Variants in CNOT2 observed in about 807,000 individuals in gnomAD.
The protein encoded by CNOT2 is CCR4-NOT transcription complex subunit 2.
Under a neutral mutation model 72.1 loss-of-function variants are expected in CNOT2, and 7 were observed. The observed-to-expected ratio is 0.10, with a 90% CI of 0.06 to 0.18. The LOEUF (loss-of-function observed/expected upper bound fraction) is 0.18. CNOT2 is among the 10% of genes least tolerant of loss of function. CNOT2 has a pLI of 1.00. For missense variants in CNOT2, 345 were observed against 660.3 expected (o/e 0.52, Z 5.23); for synonymous variants, 196 against 225.6 (o/e 0.87, Z 1.17).
In CNOT2 at chr12:70,349,073, G is replaced by A. The variant is rs550652592; in HGVS notation, c.1536+2749G>A. ...CATAGTAATGAAAACAGGCAGAATTGTTGGTATTAAGATATTAATGAGCAG... is the reference window on the plus strand; with the variant it reads ...CATAGTAATGAAAACAGGCAGAATTATTGGTATTAAGATATTAATGAGCAG... On this transcript the variant is annotated intron_variant, in intron 15 of 15. Transcript: ENST00000229195. Among the ~76,000 whole-genome samples the A allele has an allele frequency of 2.6e-5, 4 of 152,142 alleles. No individual in the cohort carries two copies. The South Asian group carries it at 8.3e-4, about 32-fold the overall frequency.
chr12:70,339,122 A>C (rs1881152168), intron 11 of CNOT2, among the ~76,000 whole-genome samples: 1 of 148,654 alleles, frequency 6.7e-6, no homozygotes. Context: ...ACCTTCCAGA[A>C]TCCTGAAATC....
intron 1 of CNOT2, among the ~76,000 whole-genome samples, chr12:70,273,468 G>A (rs888504313): frequency 6.6e-6 from 1 of 152,060 alleles, no homozygotes; most frequent in African/African-American, 2.4e-5. Flanking sequence ...AGACCATGCA[G>A]ATATATTATT....
At chr12:70,332,958 T>C in intron 7 of CNOT2, 112 bp downstream of exon 7, 1 of 1,342,652 alleles carries the variant, frequency 7.4e-7, no homozygotes, top group East Asian at 2.8e-5. Context: ...TTATGTTAGA[T>C]GGTAGATTTT....
chr12:70,303,553 C>T (rs796140702), intron 2 of CNOT2, among the ~76,000 whole-genome samples: 1 of 152,218 alleles, frequency 6.6e-6, no homozygotes, highest in South Asian at 2.1e-4. Context: ...TCCCCACTCT[C>T]TTCTGGCTTG....
chr12:70,315,101 G>A (rs1487128111), intron 3 of CNOT2, among the ~76,000 whole-genome samples: 2 of 151,872 alleles, frequency 1.3e-5, no homozygotes, highest in African/African-American at 2.4e-5. Flanking sequence ...TGACCTCAGG[G>A]GATCTGCCCT....
chr12:70,348,166 T>C (rs1882437666), intron 15 of CNOT2: 1 of 152,248 alleles, frequency 6.6e-6, no homozygotes, highest in African/African-American at 2.4e-5. Flanking sequence ...TGGTGGTGGT[T>C]GTACTAGTTT....
intron 5 of CNOT2, among the ~76,000 whole-genome samples, chr12:70,329,987 C>T (rs1879685777): frequency 6.6e-6 from 1 of 151,864 alleles, no homozygotes; most frequent in South Asian, 2.1e-4. Flanking sequence ...GAACGATATG[C>T]CATTGAAATG....
At chr12:70,318,254 G>A (rs562972339) in intron 3 of CNOT2, among the ~76,000 whole-genome samples, 24 of 151,588 alleles carry the variant, frequency 1.6e-4, no homozygotes, top group African/African-American at 4.4e-4. Flanking sequence ...CATTTATTTC[G>A]CATTCTTCTA....
intron 15 of CNOT2, chr12:70,347,614 C>T (rs1450499720): frequency 2.0e-5 from 3 of 149,704 alleles, no homozygotes; most frequent in Non-Finnish European, 3.0e-5. Context: ...GCCTGGGCGA[C>T]AGAGCGAGAC....
intron 5 of CNOT2, 38 bp from the exon 6 acceptor site, chr12:70,330,249 G>C: frequency 9.9e-7 from 1 of 1,012,422 alleles, no homozygotes; most frequent in Non-Finnish European, 1.5e-6. Context: ...ATGAGTGATT[G>C]TAGAGAGCTT....
chr12:70,337,315 A>T, intron 8 of CNOT2, 74 bp from the exon 9 acceptor site: 1 of 1,291,784 alleles, frequency 7.7e-7, no homozygotes, highest in South Asian at 1.3e-5. Context: ...ATCATGAGGA[A>T]AGTTAACTTT....
upstream of CNOT2, chr12:70,243,043 A>G: frequency 6.6e-6 from 1 of 152,610 alleles, no homozygotes; most frequent in Non-Finnish European, 1.5e-5. Flanking sequence ...GTCCCCGGGG[A>G]GGGCGGACTG....
chr12:70,250,010 T>A (rs1200924067), intron 1 of CNOT2, among the ~76,000 whole-genome samples: 2 of 152,090 alleles, frequency 1.3e-5, no homozygotes, highest in Admixed American at 6.5e-5. Flanking sequence ...CTAGGTATAT[T>A]TATGTCAGGC....
chr12:70,332,704 T>C (rs917431666), intron 6 of CNOT2, 63 bp from the exon 7 acceptor site: 2 of 1,498,500 alleles, frequency 1.3e-6, no homozygotes, highest in African/African-American at 2.9e-5. Flanking sequence ...CACACTTCTG[T>C]TTTTCTTCAT....
chr12:70,346,664 A>G (rs568360382), intron 15 of CNOT2: 3 of 166,016 alleles, frequency 1.8e-5, no homozygotes, highest in Non-Finnish European at 3.9e-5. Context: ...TTAAGCAAGG[A>G]TGAGATTTTT....
intron 1 of CNOT2, among the ~76,000 whole-genome samples, chr12:70,275,771 C>T (rs560378948): frequency 1.3e-5 from 2 of 152,122 alleles, no homozygotes; most frequent in African/African-American, 4.8e-5. Context: ...CATACTTGTT[C>T]CTTTTCACAG....
chr12:70,261,376 A>G (rs1387074275), intron 1 of CNOT2, among the ~76,000 whole-genome samples: 1 of 120,128 alleles, frequency 8.3e-6, no homozygotes, highest in Non-Finnish European at 1.6e-5. Context: ...GTGCAGTGGC[A>G]TGATCTCGGC....
intron 2 of CNOT2, among the ~76,000 whole-genome samples, chr12:70,302,019 A>G (rs1341092062): frequency 6.6e-6 from 1 of 152,138 alleles, no homozygotes; most frequent in African/African-American, 2.4e-5. Context: ...AGGTGTTTAT[A>G]GTATTCTCTG....
chr12:70,275,630 C>G (rs973052530), intron 1 of CNOT2, among the ~76,000 whole-genome samples: 3 of 151,948 alleles, frequency 2.0e-5, no homozygotes, highest in African/African-American at 7.2e-5. Context: ...GAAATACATC[C>G]TTGCCTTATA....
Sources: allele counts gnomAD v4.1 joint callset (sites outside exome capture counted in the v4.1 genomes callset), GRCh38; gene constraint gnomAD v4.1.1; transcripts MANE v1.5; gene names NCBI Gene and HGNC (gene_info 2026-07-23, HGNC 2026-07-21).